Variants in AGMO observed in about 807,000 individuals in gnomAD.
The protein encoded by AGMO is glyceryl-ether monooxygenase.
AGMO carries 75 observed loss-of-function variants against 60.2 expected under a neutral mutation model. The observed-to-expected ratio is 1.25, with a 90% CI of 1.03 to 1.51. The LOEUF is 1.51. Ranked by LOEUF, AGMO falls within the 40% of genes most tolerant of loss-of-function variation. The pLI, the probability that AGMO is intolerant of heterozygous loss-of-function variation, is 0.00. For missense variants in AGMO, 763 were observed against 525.5 expected, an observed-to-expected ratio of 1.45 and a Z score of -4.42; for synonymous variants, 261 against 177.1, an observed-to-expected ratio of 1.47 and a Z score of -3.76.
chr7:15,120,728 A>G, the AGMO span, among the ~76,000 whole-genome samples: 1 of 151,274 alleles, frequency 6.6e-6, no homozygotes, highest in Non-Finnish European at 1.5e-5. Context: ...ATTTTAGTAA[A>G]GCGACCTGAG....
At chr7:15,450,718 T>C (rs1781835446) in intron 3 of AGMO, among the ~76,000 whole-genome samples, 2 of 152,080 alleles carry the variant, frequency 1.3e-5, no homozygotes, top group Non-Finnish European at 2.9e-5. Context: ...ATTTAGCAAA[T>C]AATGTGCCCA....
At chr7:15,173,025 T>C in the AGMO span, among the ~76,000 whole-genome samples, 1 of 152,200 alleles carries the variant, frequency 6.6e-6, no homozygotes, top group Non-Finnish European at 1.5e-5. Flanking sequence ...AATATTTCTT[T>C]ATAGCTTCTT....
intron 12 of AGMO, among the ~76,000 whole-genome samples, chr7:15,211,961 G>A (rs1781603650): frequency 1.3e-5 from 2 of 151,888 alleles, no homozygotes; most frequent in South Asian, 2.1e-4. Flanking sequence ...TTGGACTAGC[G>A]AATTGACAGC....
chr7:15,192,318 G>C, the AGMO span, among the ~76,000 whole-genome samples: 1 of 151,820 alleles, frequency 6.6e-6, no homozygotes, highest in African/African-American at 2.4e-5. Context: ...ACAAGCAAAA[G>C]AGTGGAAGAG....
In AGMO at chr7:15,418,883, A is replaced by G. The variant is rs563364038; in HGVS notation, c.514-230T>C. 1.1e-4 allele frequency among the ~76,000 whole-genome samples: 16 copies of G among 151,984 alleles called. No individual in the cohort carries two copies. In the South Asian group the frequency reaches 1.2e-3, roughly 12 times the overall value. On this transcript the variant is annotated intron_variant, in intron 4 of 12. Coordinates refer to ENST00000342526, the MANE Select transcript of AGMO (RefSeq NM_001004320.2). ...TTTGATTTTGCATTTAATATTGTCT[A>G]GTTAAAATATTATATGTTGTGTGTT...
chr7:15,337,649 C>G (rs994246745), intron 12 of AGMO, among the ~76,000 whole-genome samples: 76 of 152,270 alleles, frequency 5.0e-4, no homozygotes, highest in Admixed American at 4.1e-3. Context: ...CCCACCTGCT[C>G]ACCCTCAACA....
chr7:15,373,438 A>C (rs1783309607), intron 10 of AGMO, among the ~76,000 whole-genome samples: 1 of 152,186 alleles, frequency 6.6e-6, no homozygotes, highest in Non-Finnish European at 1.5e-5. Flanking sequence ...ATCATTAACA[A>C]CACAAAAACA....
intron 3 of AGMO, among the ~76,000 whole-genome samples, chr7:15,469,229 T>A (rs1464862603): frequency 1.3e-5 from 2 of 152,108 alleles, no homozygotes; most frequent in Admixed American, 6.6e-5. Context: ...GTAACAGGAC[T>A]ATTTTTTTTT....
At chr7:15,544,005 T>C (rs898630243) in intron 3 of AGMO, among the ~76,000 whole-genome samples, 1 of 151,520 alleles carries the variant, frequency 6.6e-6, no homozygotes, top group African/African-American at 2.4e-5. Flanking sequence ...ATAAAGAAAA[T>C]GTGGTATATA....
At chr7:15,471,578 T>G (rs1782451057) in intron 3 of AGMO, among the ~76,000 whole-genome samples, 1 of 151,902 alleles carries the variant, frequency 6.6e-6, no homozygotes. Context: ...AAATGAGGAT[T>G]ACCTTACAAT....
At chr7:15,477,557 A>T (rs370058184) in intron 3 of AGMO, among the ~76,000 whole-genome samples, 1 of 152,166 alleles carries the variant, frequency 6.6e-6, no homozygotes, top group South Asian at 2.1e-4. Flanking sequence ...TGAATGAAAA[A>T]TTCGGCAATT....
chr7:15,156,936 T>TA, the AGMO span, among the ~76,000 whole-genome samples: 1 of 152,166 alleles, frequency 6.6e-6, no homozygotes, highest in Non-Finnish European at 1.5e-5. Flanking sequence ...CTTTCAAAGT[T>TA]TCTACTACAA....
chr7:15,389,782 G>C (rs374792757), intron 8 of AGMO, among the ~76,000 whole-genome samples: 3 of 152,138 alleles, frequency 2.0e-5, no homozygotes, highest in East Asian at 3.9e-4. Flanking sequence ...AATGAAAAGA[G>C]CCACTACTTT....
chr7:15,131,020 A>AT, the AGMO span, among the ~76,000 whole-genome samples: 1 of 152,070 alleles, frequency 6.6e-6, no homozygotes, highest in Non-Finnish European at 1.5e-5. Flanking sequence ...GCCAATAGCT[A>AT]TATCATTCTG....
At chr7:15,265,991 A>T (rs1474728864) in intron 12 of AGMO, among the ~76,000 whole-genome samples, 1 of 152,074 alleles carries the variant, frequency 6.6e-6, no homozygotes, top group African/African-American at 2.4e-5. Context: ...AATATGGATG[A>T]CCCTTGGTGA....
chr7:15,341,336 A>C (rs1274632372), intron 12 of AGMO, among the ~76,000 whole-genome samples: 1 of 152,180 alleles, frequency 6.6e-6, no homozygotes, highest in African/African-American at 2.4e-5. Flanking sequence ...TCTGAAGTTC[A>C]AATTTCCACA....
chr7:15,468,793 G>A (rs540625536), intron 3 of AGMO, among the ~76,000 whole-genome samples: 2 of 152,022 alleles, frequency 1.3e-5, no homozygotes, highest in Admixed American at 6.6e-5. Context: ...GCTTGTGCAC[G>A]TTTGTGGATT....
the AGMO span, among the ~76,000 whole-genome samples, chr7:15,140,462 G>A: frequency 6.6e-6 from 1 of 152,030 alleles, no homozygotes; most frequent in Non-Finnish European, 1.5e-5. Context: ...GTAATCTCTT[G>A]AAATGTTTCT....
intron 12 of AGMO, among the ~76,000 whole-genome samples, chr7:15,272,482 G>A (rs1247434643): frequency 2.0e-5 from 3 of 151,922 alleles, no homozygotes; most frequent in Non-Finnish European, 4.4e-5. Flanking sequence ...TGGCTGCATA[G>A]TATTCCATGG....
Sources: allele counts gnomAD v4.1 joint callset (sites outside exome capture counted in the v4.1 genomes callset), GRCh38; gene constraint gnomAD v4.1.1; transcripts MANE v1.5; gene names NCBI Gene and HGNC (gene_info 2026-07-23, HGNC 2026-07-21).